Variants in ARHGDIA observed in about 807,000 individuals in gnomAD.
The protein encoded by ARHGDIA is Rho GDP dissociation inhibitor alpha.
In ARHGDIA, 9 loss-of-function variants were observed where a neutral mutation model predicts 25.0. The ratio of observed to expected loss-of-function variants is 0.36; its 90% CI spans 0.22 to 0.63. The LOEUF (loss-of-function observed/expected upper bound fraction) is 0.63. ARHGDIA is among the 20% of genes least tolerant of loss of function. The probability of loss-of-function intolerance (pLI) is 0.69; values close to 1 mark genes in which losing one functional copy is unlikely to be tolerated. For synonymous variants in ARHGDIA, 166 were observed against 111.5 expected (o/e 1.49, Z -3.08); for missense variants, 239 against 264.3 (o/e 0.90, Z 0.66).
intron 3 of ARHGDIA, 64 bp from the exon 4 acceptor site, chr17:81,869,470 C>T: frequency 6.2e-7 from 1 of 1,611,162 alleles, no homozygotes; most frequent in Non-Finnish European, 8.5e-7. Context: ...CAGCCCTGCG[C>T]GGCCCCCTGG....
In ARHGDIA at chr17:81,869,422, C is replaced by T; in HGVS notation, c.275-16G>A. On this transcript the variant is annotated splice_polypyrimidine_tract_variant and intron_variant, in intron 3 of 5. Transcript: ENST00000269321. Reference sequence around the variant, plus strand: ...TCCAGGTCGCCTGTTGGGGGGACCTCCCCCTCAATGACTGCCCAGCAGCCC... The same window carrying T: ...TCCAGGTCGCCTGTTGGGGGGACCTTCCCCTCAATGACTGCCCAGCAGCCC... The T allele has an allele frequency of 6.2e-7, 1 of 1,613,078 alleles. No homozygotes were observed. Among genetic ancestry groups the T allele is most frequent in the Non-Finnish European group, 8.5e-7 (1 of 1,179,732 alleles).
intron 4 of ARHGDIA, 43 bp downstream of exon 4, chr17:81,869,287 C>G: frequency 6.2e-7 from 1 of 1,613,980 alleles, no homozygotes. Flanking sequence ...ACCCCAGCCC[C>G]AGCCCCGCCT....
rs151042541 is a variant in ARHGDIA at position 81,868,903 on chromosome 17, G to A, written c.588C>T (p.Leu196=). 58 of 1,613,726 alleles carry A rather than the reference G, an allele frequency of 3.6e-5. No homozygotes were observed. The Admixed American group carries it at 3.8e-4, about 11-fold the overall frequency. The change falls in exon 6 of 6, where the codon CTC becomes CTT. Residue 196 remains leucine (L), a synonymous_variant. Coordinates refer to ENST00000269321, the MANE Select transcript of ARHGDIA (RefSeq NM_004309.6). ...KTDHLSWEWN[L]TIKKDWKD is the part of the protein sequence containing the mutation. ...AGTCCTTCCAGTCCTTCTTGATGGT[G>A]AGATTCCACTCCCAGGACAGGTGGT...
chr17:81,870,196 C>G (rs942818278), intron 1 of ARHGDIA: 15 of 495,078 alleles, frequency 3.0e-5, no homozygotes, highest in Non-Finnish European at 4.4e-5. Context: ...AGAGAGGACA[C>G]ACCTCCCCCT....
In ARHGDIA at chr17:81,868,517, G is replaced by C. The variant is rs1032657953; in HGVS notation, c.*359C>G. The stretch of plus-strand genomic sequence containing the variant: ...GACGCACACGTCCAGGGGCAACCAC[G>C]GGGCCTGGAGAATGGCTGCTCCGCT... On this transcript the variant is annotated 3_prime_UTR_variant, in exon 6 of 6. Coordinates refer to ENST00000269321, the MANE Select transcript of ARHGDIA (RefSeq NM_004309.6). 1 of 1,530,538 alleles carries C rather than the reference G, an allele frequency of 6.5e-7. No homozygotes were observed. Among genetic ancestry groups the C allele is most frequent in the Admixed American group, 2.0e-5 (1 of 50,632 alleles). The allele number at this position is 1,530,538 out of a possible 1,614,324, so 94.8% of individuals were successfully genotyped here. A position where few individuals can be genotyped will look rare whatever the true frequency, so the allele number is the denominator to read the frequency against.
chr17:81,870,344 G>A (rs765921422), intron 1 of ARHGDIA: 14 of 191,762 alleles, frequency 7.3e-5, no homozygotes, highest in Non-Finnish European at 7.6e-5. Flanking sequence ...GCCCTACGGG[G>A]TAACGGGGCT....
Position 81,868,411 on chromosome 17 carries a change from C to T in ARHGDIA, c.*465G>A. On this transcript the variant is annotated 3_prime_UTR_variant, in exon 6 of 6. Transcript: ENST00000269321. ...GGACCGACAGCGACAAGGGGGCTGG[C>T]CAGGGAGCAGCGGGGCTGGAGGACG... 3.4e-6 allele frequency: 5 copies of T among 1,452,836 alleles called. No individual in the cohort carries two copies. Among genetic ancestry groups the T allele is most frequent in the Non-Finnish European group, 4.5e-6 (5 of 1,106,738 alleles). The allele number at this position is 1,452,836 out of a possible 1,614,324, so 90.0% of individuals were successfully genotyped here. A position where few individuals can be genotyped will look rare whatever the true frequency, so the allele number is the denominator to read the frequency against.
intron 5 of ARHGDIA, 25 bp from the exon 6 acceptor site, chr17:81,869,100 C>T: frequency 6.2e-7 from 1 of 1,612,518 alleles, no homozygotes; most frequent in Non-Finnish European, 8.5e-7. Flanking sequence ...AGAGGGCGGT[C>T]AGCGGCCCCG....
intron 1 of ARHGDIA, chr17:81,870,601 G>C (rs2039264105): frequency 1.3e-5 from 2 of 152,362 alleles, no homozygotes. Context: ...CCCTCTTGTA[G>C]ATGGTGGGCC....
At position 81,867,745 on chromosome 17, in the gene ARHGDIA, G is replaced by A. The variant is rs1460923765; in HGVS notation, c.*1131C>T. 3 of 152,556 alleles carry A rather than the reference G, an allele frequency of 2.0e-5. No individual in the cohort carries two copies. The East Asian group carries it at 5.8e-4, about 30-fold the overall frequency. 9.5% of individuals were successfully genotyped at this position (152,556 alleles called of 1,614,324 possible). The stretch of plus-strand genomic sequence containing the variant: ...CTCCTTCAGGGGCATTTATTTCCCG[G>A]TCAGAAAAGAAGCAGGGACAGGCGC... On this transcript the variant is annotated 3_prime_UTR_variant, in exon 6 of 6. Coordinates refer to ENST00000269321, the MANE Select transcript of ARHGDIA (RefSeq NM_004309.6).
At position 81,869,664 on chromosome 17, in the gene ARHGDIA, G is replaced by A. The variant is rs375109586; in HGVS notation, c.191-39C>T. ...GCAGGTGAGGGCCCCACCCCCACCAGTGGAAGTAGGGGCTGGGGAGCGGCA... is the reference window on the plus strand; with the variant it reads ...GCAGGTGAGGGCCCCACCCCCACCAATGGAAGTAGGGGCTGGGGAGCGGCA... On this transcript the variant is annotated intron_variant, in intron 2 of 5. Coordinates refer to ENST00000269321, the MANE Select transcript of ARHGDIA (RefSeq NM_004309.6). The A allele has an allele frequency of 1.6e-4, 240 of 1,533,264 alleles. 2 individuals carry two copies. In the Middle Eastern group the frequency reaches 5.9e-3, roughly 38 times the overall value. The allele number at this position is 1,533,264 out of a possible 1,614,324, so 95.0% of individuals were successfully genotyped here.
rs905449964 is a variant in ARHGDIA, at chr17:81,868,331, G to C, written c.*545C>G. 2 of 1,422,098 alleles carry C rather than the reference G, an allele frequency of 1.4e-6. No homozygotes were observed. The highest frequency in any genetic ancestry group is 1.8e-6 in the Non-Finnish European group (2 of 1,089,308). 88.1% of individuals were successfully genotyped at this position (1,422,098 alleles called of 1,614,324 possible). A position where few individuals can be genotyped will look rare whatever the true frequency, so the allele number is the denominator to read the frequency against. On this transcript the variant is annotated 3_prime_UTR_variant, in exon 6 of 6. Coordinates refer to ENST00000269321, the MANE Select transcript of ARHGDIA (RefSeq NM_004309.6). Reference sequence around the variant, plus strand: ...ATGCTCATGCAGACACAGGGAGTTAGAGGCTAGTGAGGCCCCACGGTACAC... The same window carrying C: ...ATGCTCATGCAGACACAGGGAGTTACAGGCTAGTGAGGCCCCACGGTACAC...
Position 81,869,422 on chromosome 17 carries a change from C to G in ARHGDIA, c.275-16G>C. ...TCCAGGTCGCCTGTTGGGGGGACCTCCCCCTCAATGACTGCCCAGCAGCCC... is the reference window on the plus strand; with the variant it reads ...TCCAGGTCGCCTGTTGGGGGGACCTGCCCCTCAATGACTGCCCAGCAGCCC... On this transcript the variant is annotated splice_polypyrimidine_tract_variant and intron_variant, in intron 3 of 5. Coordinates refer to ENST00000269321, the MANE Select transcript of ARHGDIA (RefSeq NM_004309.6). The G allele has an allele frequency of 6.2e-7, 1 of 1,613,078 alleles. No homozygotes were observed. Among genetic ancestry groups the G allele is most frequent in the Non-Finnish European group, 8.5e-7 (1 of 1,179,732 alleles).
intron 3 of ARHGDIA, 50 bp from the exon 4 acceptor site, chr17:81,869,456 G>GCCCCAGCCCTGCGCGGCC (rs1262540888): frequency 6.2e-7 from 1 of 1,612,034 alleles, no homozygotes; most frequent in East Asian, 2.2e-5. Context: ...CCTGCGCGAA[G>GCCCCAGCCCTGCGCGGCC]CCCCAGCCCT....
chr17:81,870,851 G>C (rs1432978297), intron 1 of ARHGDIA: 1 of 151,910 alleles, frequency 6.6e-6, no homozygotes, highest in Non-Finnish European at 1.5e-5. Flanking sequence ...GCGTGGCCCG[G>C]GCGCTGGGGG....
Position 81,869,348 on chromosome 17 carries a change from C to T in ARHGDIA, c.333G>A (p.Arg111=), listed in dbSNP as rs2039190774. Residue 111 remains arginine (R), a synonymous_variant, in exon 4 of 6, where the codon CGG becomes CGA. Transcript: ENST00000269321. Reference sequence around the variant, plus strand: ...AGCTTACCCGGAAAGAGATTTTTATCCGGTACTCCACACCCTCCTTCAGCA... The same window carrying T: ...AGCTTACCCGGAAAGAGATTTTTATTCGGTACTCCACACCCTCCTTCAGCA... ...SFVLKEGVEY[R]IKISFRVNRE... The T allele has an allele frequency of 1.2e-6, 2 of 1,614,118 alleles. No individual in the cohort carries two copies. The highest frequency in any genetic ancestry group is 1.1e-5 in the South Asian group (1 of 91,086).
Position 81,868,113 on chromosome 17 carries a change from C to T in ARHGDIA, c.*763G>A, listed in dbSNP as rs545110642. ...AGGCAGAGGCAGGACAATACCCAGCCTCCTGGATGGTACTGAGGTGACTTG... is the reference window on the plus strand; with the variant it reads ...AGGCAGAGGCAGGACAATACCCAGCTTCCTGGATGGTACTGAGGTGACTTG... On this transcript the variant is annotated 3_prime_UTR_variant, in exon 6 of 6. Transcript: ENST00000269321. 4.4e-5 allele frequency: 18 copies of T among 411,726 alleles called. No individual in the cohort carries two copies. The South Asian group carries it at 1.3e-3, about 31-fold the overall frequency. The allele number at this position is 411,726 out of a possible 1,614,324, so 25.5% of individuals were successfully genotyped here. A position where few individuals can be genotyped will look rare whatever the true frequency, so the allele number is the denominator to read the frequency against.
intron 1 of ARHGDIA, 187 bp downstream of exon 1, chr17:81,871,090 TCCCGCCCCGGCCCCGCCCTAG>T (rs1270169007): frequency 7.1e-6 from 1 of 140,602 alleles, no homozygotes; most frequent in Non-Finnish European, 1.6e-5. Context: ...CGCCGCCCGG[TCCCGCCCCGGCCCCGCCCTAG>T]CCCGCACCGC....
rs578069979 is a variant in ARHGDIA, at chr17:81,868,436, G to A, written c.*440C>T. The A allele has an allele frequency of 2.5e-4, 359 of 1,465,048 alleles. No homozygotes were observed. Among genetic ancestry groups the A allele is most frequent in the Non-Finnish European group, 2.6e-4 (291 of 1,111,788 alleles). The allele number at this position is 1,465,048 out of a possible 1,614,324, so 90.8% of individuals were successfully genotyped here. ...CCAGGGAGCAGCGGGGCTGGAGGAC[G>A]GCCCGGCCCCCACGAGGCCGTGCAT... is the stretch of plus-strand genomic sequence containing the variant. On this transcript the variant is annotated 3_prime_UTR_variant, in exon 6 of 6. Coordinates refer to ENST00000269321, the MANE Select transcript of ARHGDIA (RefSeq NM_004309.6).
Sources: gnomAD v4.1 joint callset for allele counts on GRCh38, gnomAD v4.1.1 for gene constraint, MANE v1.5 for transcripts, NCBI Gene and HGNC (gene_info 2026-07-23, HGNC 2026-07-21) for gene names.